The following PRKX variants were observed in gnomAD, a reference collection of about 807,000 sequenced individuals.
PRKX encodes the protein cAMP-dependent protein kinase catalytic subunit PRKX.
In PRKX, 12 loss-of-function variants were observed where a neutral mutation model predicts 22.0. The ratio of observed to expected loss-of-function variants is 0.54; its 90% CI spans 0.35 to 0.88. PRKX has a LOEUF of 0.88. PRKX is among the 40% of genes least tolerant of loss of function. The pLI, the probability that PRKX is intolerant of heterozygous loss-of-function variation, is 0.01. For missense variants in PRKX, 217 were observed against 308.0 expected (o/e 0.70, Z 2.21); for synonymous variants, 134 against 137.7 (o/e 0.97, Z 0.19).
At chrX:3,643,938 C>T (rs760693026) in intron 3 of PRKX, among the ~76,000 whole-genome samples, 3 of 109,805 alleles carry the variant, frequency 2.7e-5, no homozygotes, top group Non-Finnish European at 5.7e-5. Flanking sequence ...TGCAGGAACC[C>T]ACCCAAAATG....
At chrX:3,660,122 T>C (rs1230458560) in intron 2 of PRKX, among the ~76,000 whole-genome samples, 3 of 112,203 alleles carry the variant, frequency 2.7e-5, no homozygotes, top group African/African-American at 3.2e-5. Context: ...AACTGTACTT[T>C]TGTGGATGAG....
chrX:3,636,429 G>A (rs1926887862), intron 4 of PRKX, among the ~76,000 whole-genome samples: 1 of 112,818 alleles, frequency 8.9e-6, no homozygotes, highest in African/African-American at 3.2e-5. Context: ...AATTTAGATG[G>A]TTTCAGAGCT....
chrX:3,694,184 C>T (rs1001334272), intron 1 of PRKX, among the ~76,000 whole-genome samples: 2 of 107,356 alleles, frequency 1.9e-5, no homozygotes, highest in African/African-American at 3.4e-5. Context: ...GACAGGAGTT[C>T]GAGACCAGCC....
chrX:3,639,626 G>A (rs1927024007), intron 4 of PRKX, among the ~76,000 whole-genome samples: 1 of 108,098 alleles, frequency 9.3e-6, no homozygotes, highest in Non-Finnish European at 1.9e-5. Context: ...AGACAGGTGG[G>A]TAGATGGATG....
intron 7 of PRKX, among the ~76,000 whole-genome samples, chrX:3,615,610 T>TA (rs755207778): frequency 3.6e-5 from 4 of 112,031 alleles, no homozygotes; most frequent in East Asian, 5.6e-4. Flanking sequence ...TGGTGGCTCC[T>TA]GCCTTTGTGG....
rs1926140651 is a variant in PRKX at position 3,605,151 on chromosome X, G to A, written c.*3818C>T. 9.1e-6 allele frequency: 1 copy of A among 110,485 alleles called. No individual in the cohort carries two copies. Among genetic ancestry groups the A allele is most frequent in the Non-Finnish European group, 1.9e-5 (1 of 52,980 alleles). 9.1% of individuals were successfully genotyped at this position (110,485 alleles called of 1,213,427 possible). ...AAGTGAATCCCATCCGTTTAAGTTAGACTAATTAGAAGGCCTGCTTGCCTC... is the reference window on the plus strand; with the variant it reads ...AAGTGAATCCCATCCGTTTAAGTTAAACTAATTAGAAGGCCTGCTTGCCTC... On this transcript the variant is annotated 3_prime_UTR_variant, in exon 9 of 9. Coordinates refer to ENST00000262848, the MANE Select transcript of PRKX (RefSeq NM_005044.5).
At chrX:3,642,323 A>G (rs959269020) in intron 3 of PRKX, among the ~76,000 whole-genome samples, 6 of 110,905 alleles carry the variant, frequency 5.4e-5, no homozygotes, top group African/African-American at 2.0e-4. Context: ...TAAAGGAAAA[A>G]GAACGAGATC....
At chrX:3,675,500 T>C (rs972796369) in intron 1 of PRKX, among the ~76,000 whole-genome samples, 1 of 110,071 alleles carries the variant, frequency 9.1e-6, no homozygotes, top group Non-Finnish European at 1.9e-5. Flanking sequence ...TTCTCCTCCT[T>C]CTCTTTCATC....
intron 7 of PRKX, among the ~76,000 whole-genome samples, chrX:3,613,426 G>A (rs1426539860): frequency 9.1e-6 from 1 of 110,142 alleles, no homozygotes; most frequent in Admixed American, 9.9e-5. Context: ...AGGGAGACTT[G>A]GCAATATATC....
chrX:3,606,020 G>A lies in PRKX; in HGVS notation c.*2949C>T, dbSNP rs1434761720. On this transcript the variant is annotated 3_prime_UTR_variant, in exon 9 of 9. Coordinates refer to ENST00000262848, the MANE Select transcript of PRKX (RefSeq NM_005044.5). ...CCTTCCTGGCTTTATCAATGCCTATGAAAGCAGGCCGGTGGCATTTCCCTT... is the reference window on the plus strand; with the variant it reads ...CCTTCCTGGCTTTATCAATGCCTATAAAAGCAGGCCGGTGGCATTTCCCTT... 8.9e-6 allele frequency: 1 copy of A among 112,507 alleles called. No homozygotes were observed. The highest frequency in any genetic ancestry group is 3.2e-5 in the African/African-American group (1 of 30,965). 9.3% of individuals were successfully genotyped at this position (112,507 alleles called of 1,213,427 possible). A position where few individuals can be genotyped will look rare whatever the true frequency, so the allele number is the denominator to read the frequency against.
In PRKX at chrX:3,694,861, G is replaced by T. The variant is rs762305147; in HGVS notation, c.166+18227C>A. ...TGGAGTGCTGTGGCCACAAGCCCAG[G>T]GATGCCTGGAGCCCCCAGGAGCCGG... is the stretch of plus-strand genomic sequence containing the variant. On this transcript the variant is annotated intron_variant, in intron 1 of 8. Transcript: ENST00000262848. Among the ~76,000 whole-genome samples the T allele has an allele frequency of 9.9e-5, 11 of 110,790 alleles. No homozygotes were observed. In the South Asian group the frequency reaches 1.2e-3, roughly 12 times the overall value.
At chrX:3,645,736 C>A (rs113171707) in intron 3 of PRKX, among the ~76,000 whole-genome samples, 76 of 111,591 alleles carry the variant, frequency 6.8e-4, no homozygotes, top group African/African-American at 2.2e-3. Flanking sequence ...AGTTCCAGAC[C>A]AGCCAAGGCA....
At chrX:3,694,225 A>G (rs1247200718) in intron 1 of PRKX, among the ~76,000 whole-genome samples, 2 of 107,371 alleles carry the variant, frequency 1.9e-5, no homozygotes, top group Non-Finnish European at 3.8e-5. Flanking sequence ...CGTCTCCACT[A>G]AAAATATAAA....
chrX:3,654,646 T>A (rs951671215), intron 3 of PRKX, among the ~76,000 whole-genome samples: 2 of 107,200 alleles, frequency 1.9e-5, no homozygotes, highest in African/African-American at 6.8e-5. Context: ...AACTTTTTTT[T>A]AAATATATAT....
chrX:3,612,208 T>G lies in PRKX; in HGVS notation c.1069A>C (p.Asn357His). The change falls in exon 8 of 9, where the codon AAT (asparagine) becomes CAT (histidine). Residue 357 changes from asparagine (N) to histidine (H), a missense_variant. Coordinates refer to ENST00000262848, the MANE Select transcript of PRKX (RefSeq NM_005044.5). The stretch of plus-strand genomic sequence containing the variant: ...GATGTGAGCTCCTGTCCTCAGAAAT[T>G]CTTGAAGATTTCTAAATCCTTCTGC... ...VPQKDLEIFK[N>H]F 1.7e-6 allele frequency: 2 copies of G among 1,208,269 alleles called. No homozygotes were observed. Among genetic ancestry groups the G allele is most frequent in the Non-Finnish European group, 2.2e-6 (2 of 894,018 alleles).
Position 3,713,472 on chromosome X carries a change from A to C in PRKX, c.-219T>G. On this transcript the variant is annotated 5_prime_UTR_variant, in exon 1 of 9. Coordinates refer to ENST00000262848, the MANE Select transcript of PRKX (RefSeq NM_005044.5). ...ACAAGCAGCAACGGCCCCGAGTGGG[A>C]GCAGCCGCCGGCCTCGGGGGGCGGG... is the stretch of plus-strand genomic sequence containing the variant. 1.5e-5 allele frequency: 4 copies of C among 265,390 alleles called. No individual in the cohort carries two copies. The highest frequency in any genetic ancestry group is 6.6e-6 in the Non-Finnish European group (1 of 152,602). The allele number at this position is 265,390 out of a possible 1,213,427, so 21.9% of individuals were successfully genotyped here. A position where few individuals can be genotyped will look rare whatever the true frequency, so the allele number is the denominator to read the frequency against.
intron 3 of PRKX, among the ~76,000 whole-genome samples, chrX:3,654,348 T>G (rs1417002287): frequency 9.8e-6 from 1 of 101,991 alleles, no homozygotes; most frequent in East Asian, 2.9e-4. Context: ...ATATTTCTAT[T>G]TAATATACAT....
intron 3 of PRKX, 123 bp downstream of exon 3, chrX:3,655,026 G>A (rs1927448715): frequency 1.0e-6 from 1 of 987,932 alleles, no homozygotes; most frequent in Non-Finnish European, 1.4e-6. Context: ...GGTTGCAAGT[G>A]TCTCCTACAC....
At chrX:3,630,514 C>G (rs1347239126) in intron 4 of PRKX, among the ~76,000 whole-genome samples, 1 of 111,571 alleles carries the variant, frequency 9.0e-6, no homozygotes, top group Non-Finnish European at 1.9e-5. Context: ...GAGCCGAGAT[C>G]ACGCCACTGC....
Sources: gnomAD v4.1 joint callset for allele counts (sites outside exome capture counted in the v4.1 genomes callset) on GRCh38, gnomAD v4.1.1 for gene constraint, MANE v1.5 for transcripts, NCBI Gene and HGNC (gene_info 2026-07-23, HGNC 2026-07-21) for gene names.